BCR: variants seen among roughly 807,000 people sequenced by gnomAD.
The protein encoded by BCR is BCR activator of RhoGEF and GTPase, also known as breakpoint cluster region protein.
In BCR, 58 loss-of-function variants were observed where a neutral mutation model predicts 138.6. The ratio of observed to expected loss-of-function variants is 0.42; its 90% CI spans 0.34 to 0.52. The LOEUF is 0.52. Ranked by LOEUF, BCR falls within the 20% of genes least tolerant of loss-of-function variation. The pLI is 0.06. For synonymous variants in BCR, 786 were observed against 730.1 expected, an observed-to-expected ratio of 1.08 and a Z score of -1.23; for missense variants, 1,599 against 1,727.2, an observed-to-expected ratio of 0.93 and a Z score of 1.32.
In BCR at chr22:23,182,254, C is replaced by A; in HGVS notation, c.1279+15C>A. ...TGGAGACGCAGGTGAGTTCCTCACG[C>A]CACGTGCGTGGGCACACCTGCACGG... On this transcript the variant is annotated intron_variant, in intron 1 of 22. Coordinates refer to ENST00000305877, the MANE Select transcript of BCR (RefSeq NM_004327.4). The A allele has an allele frequency of 1.9e-6, 3 of 1,539,786 alleles. No individual in the cohort carries two copies. Among genetic ancestry groups the A allele is most frequent in the South Asian group, 1.2e-5 (1 of 85,658 alleles).
Position 23,205,292 on chromosome 22 carries a change from A to G in BCR, c.1279+23053A>G, listed in dbSNP as rs186366057. 5.1e-3 allele frequency among the ~76,000 whole-genome samples: 776 copies of G among 152,312 alleles called. 17 individuals carry two copies. The highest frequency in any genetic ancestry group is 0.032 in the Admixed American group (494 of 15,304). ...TGAACGTTGTCACTCCTGTGGGGGT[A>G]CAGATGCCTCAGTGGAAGCCACGCT... On this transcript the variant is annotated intron_variant, in intron 1 of 22. Transcript: ENST00000305877.
intron 2 of BCR, chr22:23,254,511 A>G (rs1263739190): frequency 1.9e-6 from 1 of 519,036 alleles, no homozygotes; most frequent in Non-Finnish European, 3.8e-6. Context: ...ATGGCTAGTG[A>G]GTAGCGGCAC....
chr22:23,303,834 T>G (rs547931084), intron 16 of BCR, among the ~76,000 whole-genome samples: 1 of 152,308 alleles, frequency 6.6e-6, no homozygotes, highest in African/African-American at 2.4e-5. Flanking sequence ...CATCCATTTT[T>G]ATAACCGAAT....
intron 1 of BCR, 96 bp from the exon 2 acceptor site, chr22:23,253,703 G>T: frequency 7.0e-7 from 1 of 1,438,352 alleles, no homozygotes; most frequent in Non-Finnish European, 9.5e-7. Flanking sequence ...GCCTGTTGGG[G>T]ACAGAGATGG....
Position 23,285,217 on chromosome 22 carries a change from G to T in BCR, c.2406+16G>T. Reference sequence around the variant, plus strand: ...GAGAGAGAAGGTGCACACCAGGGGAGCAAGGGCCGGGTTTGGTGTGGTCAG... The same window carrying T: ...GAGAGAGAAGGTGCACACCAGGGGATCAAGGGCCGGGTTTGGTGTGGTCAG... On this transcript the variant is annotated intron_variant, in intron 10 of 22. Transcript: ENST00000305877. 1 of 1,604,082 alleles carries T rather than the reference G, an allele frequency of 6.2e-7. No homozygotes were observed. The highest frequency in any genetic ancestry group is 8.5e-7 in the Non-Finnish European group (1 of 1,175,166).
intron 20 of BCR, among the ~76,000 whole-genome samples, chr22:23,313,492 C>T (rs2074030923): frequency 6.6e-6 from 1 of 152,244 alleles, no homozygotes; most frequent in African/African-American, 2.4e-5. Flanking sequence ...CGGGCCCATG[C>T]ACAGAGGACC....
chr22:23,269,979 G>C (rs1295464131), intron 5 of BCR, among the ~76,000 whole-genome samples: 1 of 152,126 alleles, frequency 6.6e-6, no homozygotes, highest in Non-Finnish European at 1.5e-5. Context: ...GTGGGATGGG[G>C]CTCAGGACCA....
chr22:23,313,003 A>T lies in BCR; in HGVS notation c.3439A>T (p.Asn1147Tyr). 1 of 1,580,452 alleles carries T rather than the reference A, an allele frequency of 6.3e-7. No individual in the cohort carries two copies. Among genetic ancestry groups the T allele is most frequent in the Non-Finnish European group, 8.6e-7 (1 of 1,169,460 alleles). The change falls in exon 20 of 23, where the codon AAC (asparagine) becomes TAC (tyrosine). Residue 1147 changes from asparagine (N) to tyrosine (Y), a missense_variant. By Grantham distance (143) the Asn-to-Tyr change is moderately radical. Coordinates refer to ENST00000305877, the MANE Select transcript of BCR (RefSeq NM_004327.4). ...CCTCTTCACTGACGAGTTCTACCCC[A>T]ACTTCGCAGAGGGCATCGGTGAGCA... ...EPLFTDEFYP[N>Y]FAEGIALSDP...
chr22:23,224,417 G>A (rs560235655), intron 1 of BCR, among the ~76,000 whole-genome samples: 1 of 152,282 alleles, frequency 6.6e-6, no homozygotes, highest in South Asian at 2.1e-4. Flanking sequence ...TCAAACTGCC[G>A]CCTTGCTCTG....
At chr22:23,292,253 T>C (rs1034183851) in intron 14 of BCR, among the ~76,000 whole-genome samples, 1 of 152,140 alleles carries the variant, frequency 6.6e-6, no homozygotes, top group African/African-American at 2.4e-5. Context: ...CTTCTCATCG[T>C]AGGGGCTTTA....
At position 23,276,793 on chromosome 22, in the gene BCR, G is replaced by T. The variant is rs758290249; in HGVS notation, c.2115+3019G>T. ...CAACGGGTTTGCAGTCCTTGATGCA[G>T]AAAGAAAGATGCCAGATGGGCGAAG... On this transcript the variant is annotated intron_variant, in intron 8 of 22. Transcript: ENST00000305877. Among the ~76,000 whole-genome samples the T allele has an allele frequency of 2.1e-3, 192 of 90,758 alleles. No homozygotes were observed. The Middle Eastern group carries it at 0.029, about 14-fold the overall frequency. 59.5% of individuals were successfully genotyped at this position (90,758 alleles called of 152,430 possible).
At position 23,235,512 on chromosome 22, in the gene BCR, G is replaced by A. The variant is rs558648490; in HGVS notation, c.1280-18287G>A. Among the ~76,000 whole-genome samples, 10 of 134,802 alleles carry A rather than the reference G, an allele frequency of 7.4e-5. 1 individual carries two copies. The South Asian group carries it at 2.5e-3, about 34-fold the overall frequency. 88.4% of individuals were successfully genotyped at this position (134,802 alleles called of 152,430 possible). On this transcript the variant is annotated intron_variant, in intron 1 of 22. Transcript: ENST00000305877. ...ATGTATATTCCCACTGGGTGGCGAG[G>A]ACATAGATGTCCAGGCCCATGTGTT... is the stretch of plus-strand genomic sequence containing the variant.
chr22:23,314,802 T>TA, intron 22 of BCR, 88 bp downstream of exon 22: 2 of 1,500,832 alleles, frequency 1.3e-6, no homozygotes, highest in Non-Finnish European at 1.8e-6. Context: ...CCCATCTTCT[T>TA]ACTTGCATTG....
At chr22:23,228,362 G>A (rs1286001706) in intron 1 of BCR, among the ~76,000 whole-genome samples, 1 of 152,100 alleles carries the variant, frequency 6.6e-6, no homozygotes, top group Non-Finnish European at 1.5e-5. Flanking sequence ...ATTTAGTAGT[G>A]TTTAATAGTA....
chr22:23,285,316 G>A, intron 10 of BCR, 115 bp downstream of exon 10: 1 of 1,178,892 alleles, frequency 8.5e-7, no homozygotes, highest in Admixed American at 2.6e-5. Flanking sequence ...TCTGGTCTCT[G>A]GGACCCCTGT....
At chr22:23,300,855 A>G (rs1009500932) in intron 16 of BCR, among the ~76,000 whole-genome samples, 5 of 152,236 alleles carry the variant, frequency 3.3e-5, no homozygotes, top group East Asian at 1.9e-4. Flanking sequence ...AACATTGGCA[A>G]CAACAAAAAT....
chr22:23,298,455 C>A (rs565274666), intron 16 of BCR, among the ~76,000 whole-genome samples: 1 of 152,238 alleles, frequency 6.6e-6, no homozygotes, highest in Non-Finnish European at 1.5e-5. Flanking sequence ...GTCACACCCC[C>A]ACCACACTCA....
chr22:23,227,776 G>A (rs2072911226), intron 1 of BCR, among the ~76,000 whole-genome samples: 1 of 152,196 alleles, frequency 6.6e-6, no homozygotes, highest in Admixed American at 6.5e-5. Context: ...AGTTTCCAGG[G>A]TGGTTCTTGA....
chr22:23,255,591 C>G (rs1280288598), intron 2 of BCR, among the ~76,000 whole-genome samples: 1 of 152,234 alleles, frequency 6.6e-6, no homozygotes, highest in Non-Finnish European at 1.5e-5. Context: ...TGAGGGCTAT[C>G]TGCACCCAGC....
Sources: gnomAD v4.1 joint callset for allele counts (sites outside exome capture counted in the v4.1 genomes callset) on GRCh38, gnomAD v4.1.1 for gene constraint, MANE v1.5 for transcripts, NCBI Gene and HGNC (gene_info 2026-07-23, HGNC 2026-07-21) for gene names.